SKAP2: variants seen among roughly 807,000 people sequenced by gnomAD.
SKAP2 encodes src kinase-associated phosphoprotein 2.
In SKAP2, 28 loss-of-function variants were observed where a neutral mutation model predicts 54.9. The observed-to-expected ratio is 0.51, with a 90% CI of 0.38 to 0.70. The LOEUF (loss-of-function observed/expected upper bound fraction) is 0.70, where lower values mean the gene tolerates loss of function less well. Among genes scored for constraint, SKAP2 ranks in the 30% least tolerant of loss-of-function variants. The pLI is 0.00. For synonymous variants in SKAP2, 137 were observed against 134.3 expected (o/e 1.02, Z -0.14); for missense variants, 356 against 424.1 (o/e 0.84, Z 1.41).
chr7:26,786,559 T>C (rs1431354961), intron 4 of SKAP2, among the ~76,000 whole-genome samples: 1 of 151,726 alleles, frequency 6.6e-6, no homozygotes, highest in African/African-American at 2.4e-5. Flanking sequence ...TGGGAGGGAG[T>C]GAGGAAGAGC....
Position 26,779,628 on chromosome 7 carries a change from G to C in SKAP2, c.308-39664C>G, listed in dbSNP as rs1009002894. Among the ~76,000 whole-genome samples the C allele has an allele frequency of 3.3e-5, 5 of 152,090 alleles. No individual in the cohort carries two copies. In the South Asian group the frequency reaches 1.0e-3, roughly 32 times the overall value. ...AAGATTAGCTTCTTATTGGGATTCT[G>C]AGGGAAAATGTTCATGCACGACTTG... On this transcript the variant is annotated intron_variant, in intron 4 of 12. Transcript: ENST00000345317.
chr7:26,804,482 C>T (rs114992359), intron 4 of SKAP2, among the ~76,000 whole-genome samples: 1,705 of 152,038 alleles, frequency 0.011, 29 homozygotes, highest in African/African-American at 0.039. Context: ...GGTTCAGGCC[C>T]GTAATCCCAG....
the SKAP2 span, among the ~76,000 whole-genome samples, chr7:26,658,271 T>C: frequency 6.6e-6 from 1 of 152,214 alleles, no homozygotes; most frequent in African/African-American, 2.4e-5. Context: ...TGGCTGCAAA[T>C]GTTACCTTTC....
Position 26,668,167 on chromosome 7 carries a change from A to T in SKAP2, c.*1499T>A, listed in dbSNP as rs963470196. The T allele has an allele frequency of 3.9e-5, 6 of 152,174 alleles. No individual in the cohort carries two copies. The highest frequency in any genetic ancestry group is 1.2e-4 in the African/African-American group (5 of 41,442). 9.4% of individuals were successfully genotyped at this position (152,174 alleles called of 1,614,324 possible). A position where few individuals can be genotyped will look rare whatever the true frequency, so the allele number is the denominator to read the frequency against. ...GTTTTACACAAATAATGGAGATTTT[A>T]AAATATTACCAGCTCAGATACATGT... On this transcript the variant is annotated 3_prime_UTR_variant, in exon 13 of 13. Transcript: ENST00000345317.
intron 4 of SKAP2, among the ~76,000 whole-genome samples, chr7:26,758,321 T>A (rs1782846704): frequency 6.6e-6 from 1 of 152,132 alleles, no homozygotes; most frequent in African/African-American, 2.4e-5. Flanking sequence ...TTTAAGTAAT[T>A]TAAGTCGATT....
chr7:26,699,208 G>A (rs973136438), intron 9 of SKAP2, among the ~76,000 whole-genome samples: 1 of 152,108 alleles, frequency 6.6e-6, no homozygotes, highest in African/African-American at 2.4e-5. Context: ...TATCAAAAAA[G>A]AATACCTACA....
At chr7:26,711,027 G>T (rs1640935990) in intron 9 of SKAP2, among the ~76,000 whole-genome samples, 1 of 152,118 alleles carries the variant, frequency 6.6e-6, no homozygotes, top group African/African-American at 2.4e-5. Context: ...TAAATATAGA[G>T]AATTTCAAGG....
downstream of SKAP2, among the ~76,000 whole-genome samples, chr7:26,664,427 C>A (rs986743550): frequency 2.6e-5 from 4 of 151,976 alleles, no homozygotes; most frequent in Admixed American, 6.6e-5. Context: ...CCCATGGGAG[C>A]TGGGAGGGGA....
downstream of SKAP2, among the ~76,000 whole-genome samples, chr7:26,665,959 T>G (rs1786099076): frequency 1.3e-5 from 2 of 151,590 alleles, no homozygotes; most frequent in Admixed American, 6.6e-5. Context: ...ATCATATTCA[T>G]CAAATGTTTT....
chr7:26,799,847 G>A (rs962043539), intron 4 of SKAP2, among the ~76,000 whole-genome samples: 2 of 152,042 alleles, frequency 1.3e-5, no homozygotes, highest in Non-Finnish European at 2.9e-5. Flanking sequence ...AAAAACAGGC[G>A]GTGGCTCACG....
chr7:26,738,824 G>A lies in SKAP2; in HGVS notation c.440C>T (p.Thr147Met), dbSNP rs146206173. 2.4e-5 allele frequency: 39 copies of A among 1,602,892 alleles called. No homozygotes were observed. The East Asian group carries it at 6.3e-4, about 26-fold the overall frequency. The change falls in exon 6 of 13, where the codon ACG (threonine) becomes ATG (methionine). Residue 147 changes from threonine to methionine, a missense_variant. By Grantham distance (81) the Thr-to-Met change is moderately conservative (BLOSUM62 -1). Transcript: ENST00000345317. Reference protein sequence around the residue: ...WQKRWCALSKTVFYYYGSDKD... With the variant: ...WQKRWCALSKMVFYYYGSDKD... Reference sequence around the variant, plus strand: ...ATCACTTCCATAATAATAGAATACCGTTTTACTGAGAGCACACCACCGTTT... The same window carrying A: ...ATCACTTCCATAATAATAGAATACCATTTTACTGAGAGCACACCACCGTTT...
intron 9 of SKAP2, among the ~76,000 whole-genome samples, chr7:26,708,498 T>C (rs1484697992): frequency 1.3e-5 from 2 of 152,254 alleles, no homozygotes; most frequent in African/African-American, 4.8e-5. Flanking sequence ...GAATGTGCTA[T>C]AATCTGGTCT....
downstream of SKAP2, among the ~76,000 whole-genome samples, chr7:26,664,699 T>A (rs1786075569): frequency 8.3e-6 from 1 of 120,640 alleles, no homozygotes; most frequent in South Asian, 2.5e-4. Context: ...CCTCTCCGAG[T>A]AATGGATAAC....
chr7:26,799,761 T>G (rs1783870148), intron 4 of SKAP2, among the ~76,000 whole-genome samples: 1 of 152,230 alleles, frequency 6.6e-6, no homozygotes, highest in Non-Finnish European at 1.5e-5. Flanking sequence ...GAATACGCAT[T>G]CTTTTCTTCA....
intron 4 of SKAP2, among the ~76,000 whole-genome samples, chr7:26,750,386 G>A (rs1584367880): frequency 6.9e-6 from 1 of 145,932 alleles, no homozygotes; most frequent in East Asian, 2.0e-4. Context: ...ATCTTGGCTC[G>A]CTGCAACCTC....
At chr7:26,758,655 C>G (rs1782856835) in intron 4 of SKAP2, among the ~76,000 whole-genome samples, 1 of 152,072 alleles carries the variant, frequency 6.6e-6, no homozygotes, top group Non-Finnish European at 1.5e-5. Flanking sequence ...GAAAAGCTTT[C>G]CTGTTGTGAC....
intron 1 of SKAP2, chr7:26,857,324 A>AAAAAAAAAAAAAAAAAG: frequency 4.0e-6 from 1 of 252,548 alleles, no homozygotes; most frequent in Non-Finnish European, 6.2e-6. Context: ...AAAAAAAAAA[A>AAAAAAAAAAAAAAAAAG]AAAAAAAAAA....
intron 4 of SKAP2, among the ~76,000 whole-genome samples, chr7:26,815,143 T>C (rs1296401980): frequency 6.6e-6 from 1 of 152,106 alleles, no homozygotes; most frequent in Non-Finnish European, 1.5e-5. Flanking sequence ...TTACTGGGTA[T>C]TAGAAGTTTA....
intron 11 of SKAP2, among the ~76,000 whole-genome samples, chr7:26,672,779 T>A (rs921093099): frequency 6.6e-6 from 1 of 151,998 alleles, no homozygotes; most frequent in African/African-American, 2.4e-5. Flanking sequence ...TCATTACTAT[T>A]CTCTGTATGA....
Sources: allele counts gnomAD v4.1 joint callset (sites outside exome capture counted in the v4.1 genomes callset), GRCh38; gene constraint gnomAD v4.1.1; transcripts MANE v1.5; gene names NCBI Gene and HGNC (gene_info 2026-07-23, HGNC 2026-07-21).